MBNL2: variants seen among roughly 807,000 people sequenced by gnomAD.
MBNL2 encodes the protein muscleblind-like protein 2.
In MBNL2, 17 loss-of-function variants were observed where a neutral mutation model predicts 41.9. The ratio of observed to expected loss-of-function variants is 0.41; its 90% CI spans 0.28 to 0.61. The LOEUF is 0.61. Ranked by LOEUF, MBNL2 falls within the 20% of genes least tolerant of loss-of-function variation. MBNL2 has a pLI of 0.35. For synonymous variants in MBNL2, 195 were observed against 182.9 expected, an observed-to-expected ratio of 1.07 and a Z score of -0.53; for missense variants, 336 against 505.6, an observed-to-expected ratio of 0.66 and a Z score of 3.22.
intron 1 of MBNL2, among the ~76,000 whole-genome samples, chr13:97,242,701 G>T (rs2044542062): frequency 6.6e-6 from 1 of 152,050 alleles, no homozygotes. Flanking sequence ...GAGCCCCCCG[G>T]GGTTGGGGAT....
chr13:97,281,005 T>A (rs1183261401), intron 2 of MBNL2, among the ~76,000 whole-genome samples: 1 of 152,226 alleles, frequency 6.6e-6, no homozygotes, highest in Non-Finnish European at 1.5e-5. Flanking sequence ...ATTGGTTGAT[T>A]ATCTGTCTCC....
rs954464394 is a variant in MBNL2 at position 97,346,355 on chromosome 13, GATGA to G, written c.541-443_541-440del. 1.3e-5 allele frequency among the ~76,000 whole-genome samples: 2 copies of G among 152,032 alleles called. No individual in the cohort carries two copies. Among genetic ancestry groups the G allele is most frequent in the African/African-American group, 4.8e-5 (2 of 41,350 alleles). On this transcript the variant is annotated intron_variant, in intron 4 of 8. Transcript: ENST00000679496. This position sits in a 1 kb window ranked among gnomAD's most constrained non-coding sequence, Gnocchi z 4.2. Reference sequence around the variant, plus strand: ...GATAGATGATAGATAATAGATGATGGATGAATGAACAGGTGGATAGATGATTGGA... The same window carrying G: ...GATAGATGATAGATAATAGATGATGGATGAACAGGTGGATAGATGATTGGA...
chr13:97,233,570 T>C (rs1594068226), intron 1 of MBNL2, among the ~76,000 whole-genome samples: 1 of 151,964 alleles, frequency 6.6e-6, no homozygotes, highest in Middle Eastern at 3.4e-3. Flanking sequence ...ATTTTCCCCT[T>C]TAGGAAACCA....
chr13:97,318,626 A>G (rs1371609456), intron 2 of MBNL2, among the ~76,000 whole-genome samples: 1 of 152,248 alleles, frequency 6.6e-6, no homozygotes, highest in East Asian at 1.9e-4. Flanking sequence ...TAATGCATCA[A>G]TTCAGTTTGT....
chr13:97,257,702 A>G (rs1165858898), intron 1 of MBNL2, among the ~76,000 whole-genome samples: 1 of 152,192 alleles, frequency 6.6e-6, no homozygotes, highest in African/African-American at 2.4e-5. Context: ...GGAATGGCCC[A>G]GGGAGCTCCA....
intron 2 of MBNL2, among the ~76,000 whole-genome samples, chr13:97,324,833 A>G (rs542112731): frequency 6.6e-6 from 1 of 152,314 alleles, no homozygotes; most frequent in Admixed American, 6.5e-5. Flanking sequence ...TGTTCGAGGG[A>G]AGGAAGCATC....
chr13:97,328,448 C>T lies in MBNL2; in HGVS notation c.175-5828C>T, dbSNP rs544866403. ...CTGCCCTTAAACCTTAGGGCCAGCA[C>T]TTGCCGTTCCGCGGCCTGGCCTGCT... On this transcript the variant is annotated intron_variant, in intron 2 of 8. Coordinates refer to ENST00000679496, the MANE Select transcript of MBNL2 (RefSeq NM_001382683.1). Among the ~76,000 whole-genome samples the T allele has an allele frequency of 1.2e-3, 180 of 152,344 alleles. 1 individual carries two copies. Among genetic ancestry groups the T allele is most frequent in the Non-Finnish European group, 2.0e-3 (138 of 68,040 alleles).
At chr13:97,310,127 T>A (rs2058457148) in intron 2 of MBNL2, among the ~76,000 whole-genome samples, 1 of 152,142 alleles carries the variant, frequency 6.6e-6, no homozygotes, top group African/African-American at 2.4e-5. Context: ...ATAACCAGCT[T>A]CTCATGCTGC....
intron 2 of MBNL2, among the ~76,000 whole-genome samples, chr13:97,278,059 G>C (rs1456214522): frequency 6.6e-6 from 1 of 151,922 alleles, no homozygotes; most frequent in East Asian, 1.9e-4. Context: ...TTTGAGACCA[G>C]CCTGGCCAGC....
chr13:97,221,198 T>C (rs554888044), upstream of MBNL2, among the ~76,000 whole-genome samples: 12 of 152,352 alleles, frequency 7.9e-5, no homozygotes, highest in African/African-American at 2.9e-4. Flanking sequence ...GGTTCAACCT[T>C]TCAGATGAAT....
the MBNL2 span, among the ~76,000 whole-genome samples, chr13:97,146,194 G>C: frequency 2.0e-5 from 3 of 151,180 alleles, no homozygotes; most frequent in African/African-American, 7.3e-5. Context: ...GTAGAGATGG[G>C]GTTTCACCAT....
the MBNL2 span, among the ~76,000 whole-genome samples, chr13:97,206,607 A>G: frequency 6.6e-6 from 1 of 152,184 alleles, no homozygotes; most frequent in African/African-American, 2.4e-5. Flanking sequence ...TGTTGCAGAG[A>G]TAAAGAAGAA....
At chr13:97,279,848 CATATAT>C (rs1426138650) in intron 2 of MBNL2, among the ~76,000 whole-genome samples, 1 of 152,162 alleles carries the variant, frequency 6.6e-6, no homozygotes, top group Non-Finnish European at 1.5e-5. Flanking sequence ...GAGAATTATA[CATATAT>C]AAATGCATTT....
chr13:97,278,121 G>A (rs915914309), intron 2 of MBNL2, among the ~76,000 whole-genome samples: 6 of 151,874 alleles, frequency 4.0e-5, no homozygotes, highest in Non-Finnish European at 5.9e-5. Flanking sequence ...AGGGCATGGT[G>A]GTGCATGCCT....
At chr13:97,344,431 T>G (rs1400126283) in intron 4 of MBNL2, among the ~76,000 whole-genome samples, 1 of 152,232 alleles carries the variant, frequency 6.6e-6, no homozygotes, top group Non-Finnish European at 1.5e-5. Flanking sequence ...CAGTGCTTTC[T>G]GTTAGTGGGA....
chr13:97,240,649 T>G (rs2044089317), intron 1 of MBNL2, among the ~76,000 whole-genome samples: 2 of 152,232 alleles, frequency 1.3e-5, no homozygotes, highest in Admixed American at 6.5e-5. Flanking sequence ...GCAAGAAGGC[T>G]TTTTATTCTA....
At chr13:97,194,179 A>G in the MBNL2 span, among the ~76,000 whole-genome samples, 7 of 152,260 alleles carry the variant, frequency 4.6e-5, no homozygotes, top group African/African-American at 1.4e-4. Context: ...ACTAATAACA[A>G]ATTGTACTTA....
rs1224960799 is a variant in MBNL2, at chr13:97,344,520, C to A, written c.540+1304C>A. Among the ~76,000 whole-genome samples the A allele has an allele frequency of 3.9e-5, 6 of 152,116 alleles. No individual in the cohort carries two copies. In the East Asian group the frequency reaches 1.2e-3, roughly 29 times the overall value. On this transcript the variant is annotated intron_variant, in intron 4 of 8. Transcript: ENST00000679496. ...CCTTGAAGGCAATAAAATGTGGCTG[C>A]CTAATAACCTGTGCAAGTTTTAAAA...
chr13:97,335,731 A>G (rs1337093660), intron 3 of MBNL2, among the ~76,000 whole-genome samples: 21 of 152,206 alleles, frequency 1.4e-4, no homozygotes, highest in Admixed American at 1.4e-3. Flanking sequence ...GGAAGTCTCA[A>G]ATAAGCCTCT....
Sources: gnomAD v4.1 joint callset for allele counts (sites outside exome capture counted in the v4.1 genomes callset) on GRCh38, gnomAD v4.1.1 for gene constraint, Gnocchi (gnomAD v3.1) non-coding constraint, MANE v1.5 for transcripts, NCBI Gene and HGNC (gene_info 2026-07-23, HGNC 2026-07-21) for gene names.